The following CRTC1 variants were observed in gnomAD, a reference collection of about 807,000 sequenced individuals.
CRTC1 encodes the protein CREB-regulated transcription coactivator 1.
In CRTC1, 18 loss-of-function variants were observed where a neutral mutation model predicts 66.1. That is an observed-to-expected ratio of 0.27 (90% CI 0.19 to 0.40). CRTC1 has a LOEUF of 0.40. Ranked by LOEUF, CRTC1 falls within the 10% of genes least tolerant of loss-of-function variation. The pLI, the probability that CRTC1 is intolerant of heterozygous loss-of-function variation, is 1.00. For missense variants in CRTC1, 669 were observed against 887.9 expected (o/e 0.75, Z 3.13); for synonymous variants, 416 against 398.8 (o/e 1.04, Z -0.51).
At chr19:18,725,569 A>C (rs936434115) in intron 1 of CRTC1, among the ~76,000 whole-genome samples, 13 of 152,064 alleles carry the variant, frequency 8.5e-5, no homozygotes, top group African/African-American at 2.9e-4. Flanking sequence ...ACCTGTGGCT[A>C]TGCGTGCTCA....
chr19:18,709,042 C>T (rs892634928), intron 1 of CRTC1, among the ~76,000 whole-genome samples: 1 of 152,174 alleles, frequency 6.6e-6, no homozygotes, highest in African/African-American at 2.4e-5. Flanking sequence ...CCCGGTACCT[C>T]CTCTGAGCCC....
Position 18,779,022 on chromosome 19 carries a change from C to T in CRTC1, c.*1640C>T. On this transcript the variant is annotated 3_prime_UTR_variant, in exon 14 of 14. Transcript: ENST00000321949. Reference sequence around the variant, plus strand: ...GTACTTGGGAGCTGTCCTGGACCCTCCCCATACCACGGGCCCTGCAAGGGA... The same window carrying T: ...GTACTTGGGAGCTGTCCTGGACCCTTCCCATACCACGGGCCCTGCAAGGGA... 4.3e-6 allele frequency: 1 copy of T among 232,380 alleles called. No individual in the cohort carries two copies. The highest frequency in any genetic ancestry group is 8.5e-6 in the Non-Finnish European group (1 of 117,560). 14.4% of individuals were successfully genotyped at this position (232,380 alleles called of 1,614,324 possible).
chr19:18,688,133 G>C (rs2052732841), intron 1 of CRTC1, among the ~76,000 whole-genome samples: 1 of 152,090 alleles, frequency 6.6e-6, no homozygotes, highest in African/African-American at 2.4e-5. Flanking sequence ...CATAGTTTTA[G>C]GGGGGACAGG....
At chr19:18,685,247 G>A (rs2052660236) in intron 1 of CRTC1, among the ~76,000 whole-genome samples, 1 of 152,186 alleles carries the variant, frequency 6.6e-6, no homozygotes. Context: ...TGTCACCCAG[G>A]TACTGCTTTA....
Position 18,774,923 on chromosome 19 carries a change from G to A in CRTC1, c.1449G>A (p.Val483=), listed in dbSNP as rs1367047204. 15 of 1,610,742 alleles carry A rather than the reference G, an allele frequency of 9.3e-6. No homozygotes were observed. In the Admixed American group the frequency reaches 2.0e-4, roughly 21 times the overall value. The change falls in exon 12 of 14, where the codon GTG becomes GTA. Residue 483 remains valine, a synonymous_variant. Coordinates refer to ENST00000321949, the MANE Select transcript of CRTC1 (RefSeq NM_015321.3). The part of the protein sequence containing the change: ...SPQHTSTLGS[V]FGDAYYEQQM... ...AGCACACTTCCACCCTGGGCAGCGTGTTTGGGGACGCGTACTATGAGCAGC... is the reference window on the plus strand; with the variant it reads ...AGCACACTTCCACCCTGGGCAGCGTATTTGGGGACGCGTACTATGAGCAGC...
At chr19:18,761,204 A>G (rs936045209) in intron 8 of CRTC1, among the ~76,000 whole-genome samples, 3 of 151,992 alleles carry the variant, frequency 2.0e-5, no homozygotes, top group Non-Finnish European at 2.9e-5. Flanking sequence ...CCTGGCCTCT[A>G]CTGCCGCGTT....
rs2055026037 is a variant in CRTC1, at chr19:18,777,735, C to T, written c.*353C>T. On this transcript the variant is annotated 3_prime_UTR_variant, in exon 14 of 14. Transcript: ENST00000321949. The surrounding 1 kb of genome is among the most constrained non-coding windows in gnomAD (Gnocchi z 5.5). ...GTCAGCTCCCGGCGTGGCGGGCAGG[C>T]TCAGGGGAGGGGCGCGCATGGTCCG... The T allele has an allele frequency of 5.5e-6, 2 of 360,918 alleles. No individual in the cohort carries two copies. Among genetic ancestry groups the T allele is most frequent in the Non-Finnish European group, 1.0e-5 (2 of 196,034 alleles). The allele number at this position is 360,918 out of a possible 1,614,324, so 22.4% of individuals were successfully genotyped here.
chr19:18,769,073 C>T (rs868560293), intron 10 of CRTC1, among the ~76,000 whole-genome samples: 2 of 152,236 alleles, frequency 1.3e-5, no homozygotes, highest in Admixed American at 1.3e-4. Context: ...CCTTCTTGGC[C>T]TCTCTGGCCC....
At chr19:18,727,204 T>A (rs11881338) in intron 1 of CRTC1, among the ~76,000 whole-genome samples, 72,074 of 151,812 alleles carry the variant, frequency 0.47, 17,853 homozygotes, top group East Asian at 0.82. Flanking sequence ...GAGCTATGAT[T>A]GTGCTGCTGC....
chr19:18,748,859 G>A (rs1375099585), intron 4 of CRTC1, among the ~76,000 whole-genome samples: 1 of 151,966 alleles, frequency 6.6e-6, no homozygotes, highest in African/African-American at 2.4e-5. Context: ...CATAGGTCAG[G>A]CCCTGTTCCC....
chr19:18,687,473 C>T (rs1353816556), intron 1 of CRTC1, among the ~76,000 whole-genome samples: 1 of 152,170 alleles, frequency 6.6e-6, no homozygotes, highest in African/African-American at 2.4e-5. Flanking sequence ...CAAGCTTATT[C>T]CCAGTTTGAC....
At chr19:18,693,984 T>G (rs2052920395) in intron 1 of CRTC1, among the ~76,000 whole-genome samples, 1 of 151,846 alleles carries the variant, frequency 6.6e-6, no homozygotes, top group Admixed American at 6.6e-5. Context: ...ATACAAAAAT[T>G]AGCTGGGCAT....
chr19:18,727,695 A>C (rs1320891254), intron 1 of CRTC1, among the ~76,000 whole-genome samples: 1 of 151,792 alleles, frequency 6.6e-6, no homozygotes, highest in Admixed American at 6.6e-5. Flanking sequence ...CAGCCGCAAC[A>C]GCTGGGAGAG....
chr19:18,781,151 G>A lies in CRTC1; in HGVS notation c.*3769G>A, dbSNP rs1330110023. On this transcript the variant is annotated 3_prime_UTR_variant, in exon 14 of 14. Coordinates refer to ENST00000321949, the MANE Select transcript of CRTC1 (RefSeq NM_015321.3). ...GGACGCAGGGGCTCTCAGAGCAAGG[G>A]CCACAAAGCCGATGGCACAGATGTG... 8.8e-6 allele frequency: 2 copies of A among 227,176 alleles called. No homozygotes were observed. The highest frequency in any genetic ancestry group is 1.7e-5 in the Non-Finnish European group (2 of 114,386). 14.1% of individuals were successfully genotyped at this position (227,176 alleles called of 1,614,324 possible).
intron 1 of CRTC1, among the ~76,000 whole-genome samples, chr19:18,737,030 A>T (rs2054011749): frequency 6.6e-6 from 1 of 152,030 alleles, no homozygotes; most frequent in Non-Finnish European, 1.5e-5. Context: ...GGCGCATTAT[A>T]CTGGGGCCAC....
intron 5 of CRTC1, among the ~76,000 whole-genome samples, chr19:18,750,855 C>T (rs2054348348): frequency 6.6e-6 from 1 of 152,178 alleles, no homozygotes; most frequent in Non-Finnish European, 1.5e-5. Context: ...CTGAGGATAG[C>T]ACAGTGCCTG....
chr19:18,770,681 A>T (rs2054842258), intron 10 of CRTC1, among the ~76,000 whole-genome samples: 1 of 150,136 alleles, frequency 6.7e-6, no homozygotes, highest in Non-Finnish European at 1.5e-5. Flanking sequence ...ATGCGTGGGT[A>T]TGTACATTTG....
chr19:18,711,370 C>G (rs1217341441), intron 1 of CRTC1, among the ~76,000 whole-genome samples: 1 of 152,186 alleles, frequency 6.6e-6, no homozygotes, highest in East Asian at 1.9e-4. Context: ...GATCCTGCGC[C>G]TCTGTGCCTG....
intron 1 of CRTC1, among the ~76,000 whole-genome samples, chr19:18,727,183 A>G (rs11878477): frequency 0.57 from 86,511 of 151,870 alleles, 25,179 homozygotes; most frequent in East Asian, 0.82. Flanking sequence ...CCAGGAGTTC[A>G]AGGCTGCCAT....
Sources: allele counts gnomAD v4.1 joint callset (sites outside exome capture counted in the v4.1 genomes callset), GRCh38; gene constraint gnomAD v4.1.1; non-coding constraint Gnocchi (gnomAD v3.1); transcripts MANE v1.5; gene names NCBI Gene and HGNC (gene_info 2026-07-23, HGNC 2026-07-21).